The following TENM3 variants were observed in gnomAD, a reference collection of about 807,000 sequenced individuals.
The protein encoded by TENM3 is teneurin-3.
Under a neutral mutation model 255.1 loss-of-function variants are expected in TENM3, and 63 were observed. The observed-to-expected ratio is 0.25, with a 90% confidence interval of 0.20 to 0.30. The LOEUF (loss-of-function observed/expected upper bound fraction) is 0.30. Among genes scored for constraint, TENM3 ranks in the 10% least tolerant of loss-of-function variants. TENM3 has a pLI of 1.00. For synonymous variants in TENM3, 1,306 were observed against 1,322.3 expected (o/e 0.99, Z 0.27); for missense variants, 2,929 against 3,461.1 (o/e 0.85, Z 3.86).
chr4:181,648,295 C>T, the TENM3 span, among the ~76,000 whole-genome samples: 1 of 152,176 alleles, frequency 6.6e-6, no homozygotes, highest in Non-Finnish European at 1.5e-5. Flanking sequence ...TCTACTGCTG[C>T]AAAGTTCGCA....
At chr4:182,246,996 A>T (rs1263383435) in intron 1 of TENM3, among the ~76,000 whole-genome samples, 1 of 152,230 alleles carries the variant, frequency 6.6e-6, no homozygotes, top group South Asian at 2.1e-4. Context: ...CGAAGCTCTC[A>T]GGATGAGACG....
intron 4 of TENM3, among the ~76,000 whole-genome samples, chr4:182,613,345 C>T (rs12171490): frequency 6.6e-6 from 1 of 152,046 alleles, no homozygotes; most frequent in African/African-American, 2.4e-5. Context: ...GACTGTAAAG[C>T]GATTTTAGTC....
intron 3 of TENM3, among the ~76,000 whole-genome samples, chr4:182,570,708 C>T (rs536160849): frequency 3.9e-5 from 6 of 152,238 alleles, no homozygotes; most frequent in Non-Finnish European, 5.9e-5. Context: ...ATGGCAGGCG[C>T]CTGTAGTCCA....
chr4:182,223,389 A>T (rs1648843013), intron 1 of TENM3, among the ~76,000 whole-genome samples: 1 of 149,684 alleles, frequency 6.7e-6, no homozygotes, highest in Non-Finnish European at 1.5e-5. Context: ...TTTTAATAAC[A>T]TTTTTTTTTT....
At chr4:181,782,920 G>T in the TENM3 span, among the ~76,000 whole-genome samples, 1 of 152,176 alleles carries the variant, frequency 6.6e-6, no homozygotes, top group Non-Finnish European at 1.5e-5. Context: ...TTTCCATGTA[G>T]TTGAGCGGTT....
the TENM3 span, among the ~76,000 whole-genome samples, chr4:181,994,977 A>G: frequency 6.6e-6 from 1 of 152,184 alleles, no homozygotes; most frequent in Non-Finnish European, 1.5e-5. Context: ...ATTTATATTT[A>G]GTTTCTTGTT....
chr4:182,218,973 C>G (rs750204972), intron 1 of TENM3, among the ~76,000 whole-genome samples: 1 of 152,192 alleles, frequency 6.6e-6, no homozygotes, highest in Non-Finnish European at 1.5e-5. Flanking sequence ...GCCTGTAATC[C>G]CAGCACTGGG....
At chr4:182,350,128 G>A (rs1331537946) in intron 3 of TENM3, 2 of 156,646 alleles carry the variant, frequency 1.3e-5, no homozygotes, top group Non-Finnish European at 2.8e-5. Flanking sequence ...TCACTAAAAG[G>A]GATTAGATTC....
rs183370877 is a variant in TENM3, at chr4:182,765,719, A to G, written c.4893-7753A>G. ...GATTGTGTCGCTTACTCCTAACTGC[A>G]TGACTGTGAGAGTCAGAGCCCCTGT... is the stretch of plus-strand genomic sequence containing the variant. On this transcript the variant is annotated intron_variant, in intron 22 of 27. Coordinates refer to ENST00000511685, the MANE Select transcript of TENM3 (RefSeq NM_001080477.4). Among the ~76,000 whole-genome samples, 10 of 152,266 alleles carry G rather than the reference A, an allele frequency of 6.6e-5. No individual in the cohort carries two copies. In the East Asian group the frequency reaches 1.7e-3, roughly 26 times the overall value.
intron 18 of TENM3, among the ~76,000 whole-genome samples, chr4:182,742,020 C>A (rs1426065759): frequency 3.3e-5 from 5 of 152,206 alleles, no homozygotes; most frequent in Non-Finnish European, 5.9e-5. Context: ...TCTCTGAGAA[C>A]TTCTTTGGAA....
chr4:182,733,698 A>C (rs1440469800), intron 16 of TENM3, among the ~76,000 whole-genome samples: 1 of 152,268 alleles, frequency 6.6e-6, no homozygotes, highest in Non-Finnish European at 1.5e-5. Context: ...TGACAGGCAA[A>C]GATGTTGCAA....
chr4:181,993,467 A>T, the TENM3 span, among the ~76,000 whole-genome samples: 1 of 152,194 alleles, frequency 6.6e-6, no homozygotes, highest in Non-Finnish European at 1.5e-5. Context: ...TTTGGTAGCT[A>T]AAGAACAGCT....
chr4:181,748,476 T>C, the TENM3 span, among the ~76,000 whole-genome samples: 1 of 152,120 alleles, frequency 6.6e-6, no homozygotes, highest in Non-Finnish European at 1.5e-5. Context: ...ACTCACATAG[T>C]AATCTATTTT....
chr4:181,693,751 C>T, the TENM3 span, among the ~76,000 whole-genome samples: 3 of 152,092 alleles, frequency 2.0e-5, no homozygotes, highest in Admixed American at 6.6e-5. Flanking sequence ...AAATCCTACC[C>T]TCAGGCAGAA....
At chr4:182,768,903 G>A (rs1763944912) in intron 22 of TENM3, among the ~76,000 whole-genome samples, 3 of 152,184 alleles carry the variant, frequency 2.0e-5, no homozygotes, top group Admixed American at 2.0e-4. Flanking sequence ...AGGAAGGAAT[G>A]TGCTGTGTTA....
At chr4:182,338,576 G>T (rs1013827498) in intron 2 of TENM3, among the ~76,000 whole-genome samples, 24 of 152,108 alleles carry the variant, frequency 1.6e-4, no homozygotes, top group Non-Finnish European at 3.4e-4. Context: ...TAGGTCAAAA[G>T]AATTGAAATC....
At chr4:182,680,488 C>T (rs1486491386) in intron 9 of TENM3, 55 bp from the exon 10 acceptor site, 8 of 1,587,978 alleles carry the variant, frequency 5.0e-6, no homozygotes, top group Middle Eastern at 1.7e-4. Context: ...TCTTTTCTTT[C>T]GGAAGCTCGG....
intron 5 of TENM3, among the ~76,000 whole-genome samples, chr4:182,634,021 A>G (rs370605928): frequency 1.3e-5 from 2 of 152,236 alleles, no homozygotes; most frequent in Admixed American, 6.5e-5. Context: ...CGAAGTGAGA[A>G]CCGAGATTGG....
At chr4:181,460,640 C>CCCATTTTAT in the TENM3 span, among the ~76,000 whole-genome samples, 2 of 147,998 alleles carry the variant, frequency 1.4e-5, no homozygotes, top group Non-Finnish European at 3.0e-5. Flanking sequence ...TATTCAGTAT[C>CCCATTTTAT]CCATTTTATC....
Sources: allele counts gnomAD v4.1 joint callset (sites outside exome capture counted in the v4.1 genomes callset), GRCh38; gene constraint gnomAD v4.1.1; transcripts MANE v1.5; gene names NCBI Gene and HGNC (gene_info 2026-07-23, HGNC 2026-07-21).